CFAP44: variants seen among roughly 807,000 people sequenced by gnomAD.
CFAP44 encodes cilia- and flagella-associated protein 44.
In CFAP44, 134 loss-of-function variants were observed where a neutral mutation model predicts 216.2. The ratio of observed to expected loss-of-function variants is 0.62; its 90% CI spans 0.54 to 0.72. The LOEUF is 0.72. CFAP44 is among the 30% of genes least tolerant of loss of function. The pLI is 0.00. For synonymous variants in CFAP44, 700 were observed against 727.6 expected (o/e 0.96, Z 0.61); for missense variants, 2,035 against 2,182.1 (o/e 0.93, Z 1.34).
chr3:113,409,077 C>T (rs1347876935), intron 7 of CFAP44, 29 bp downstream of exon 7: 2 of 1,294,940 alleles, frequency 1.5e-6, no homozygotes, highest in Non-Finnish European at 2.1e-6. Flanking sequence ...GTGATATCTA[C>T]TGGCACCTCT....
At chr3:113,354,428 T>C (rs76250211) in intron 22 of CFAP44, among the ~76,000 whole-genome samples, 1,570 of 152,256 alleles carry the variant, frequency 0.01, 32 homozygotes, top group African/African-American at 0.036. Context: ...TGCCTGGAAA[T>C]AGACTTAGTG....
intron 15 of CFAP44, among the ~76,000 whole-genome samples, chr3:113,384,999 G>A (rs1559931450): frequency 1.3e-5 from 2 of 152,294 alleles, no homozygotes; most frequent in South Asian, 4.1e-4. Flanking sequence ...GGAGGGACCT[G>A]GTGGAAGGTA....
chr3:113,402,930 G>A (rs1178299135), intron 9 of CFAP44, among the ~76,000 whole-genome samples: 2 of 152,140 alleles, frequency 1.3e-5, no homozygotes, highest in African/African-American at 4.8e-5. Context: ...TCAGAGAAAT[G>A]TGTGAAATCT....
chr3:113,373,477 T>A lies in CFAP44; in HGVS notation c.2378A>T (p.Asp793Val). 1 of 1,610,016 alleles carries A rather than the reference T, an allele frequency of 6.2e-7. No individual in the cohort carries two copies. Among genetic ancestry groups the A allele is most frequent in the East Asian group, 2.2e-5 (1 of 44,664 alleles). The change falls in exon 18 of 35, where the codon GAT (aspartate) becomes GTT (valine). Residue 793 changes from aspartate (D) to valine (V), a missense_variant. Asp to Val is a radical substitution (Grantham distance 152, BLOSUM62 -3). This residue lies in a region of CFAP44 where 1,883 missense variants were observed against 2,023.7 expected (regional missense o/e 0.93). Transcript: ENST00000393845. ...AAGATAACGGACATCAATAGGTTCA[T>A]CTTTTTGTTCTTTGAAATCACTGCT... ...DESSDFKEQKDEPIDVRYLAD... is the reference protein window; with the variant it reads ...DESSDFKEQKVEPIDVRYLAD...
At chr3:113,361,745 GC>G (rs1288700663) in intron 21 of CFAP44, among the ~76,000 whole-genome samples, 1 of 151,670 alleles carries the variant, frequency 6.6e-6, no homozygotes, top group Non-Finnish European at 1.5e-5. Flanking sequence ...TGATCCGCCC[GC>G]CTCGGCCTCC....
intron 22 of CFAP44, among the ~76,000 whole-genome samples, chr3:113,357,360 C>G (rs1198640574): frequency 1.3e-5 from 2 of 152,058 alleles, no homozygotes; most frequent in Non-Finnish European, 2.9e-5. Context: ...CTTAATGAAA[C>G]ATGACTGGTG....
At chr3:113,293,217 A>ATCAAATTTTGGTTATTCAG (rs1949848142) in intron 34 of CFAP44, among the ~76,000 whole-genome samples, 1 of 152,184 alleles carries the variant, frequency 6.6e-6, no homozygotes. Context: ...ACCAGACTCA[A>ATCAAATTTTGGTTATTCAG]TCAAATTTTG....
rs963518636 is a variant in CFAP44 at position 113,342,048 on chromosome 3, G to A, written c.3263-130C>T. ...GAATTTGTAAATCAAAGTATTTATT[G>A]AGCACTAGTTGTGGTGGCTCTTGCC... On this transcript the variant is annotated intron_variant, in intron 23 of 34. Coordinates refer to ENST00000393845, the MANE Select transcript of CFAP44 (RefSeq NM_001164496.2). 7 of 1,149,730 alleles carry A rather than the reference G, an allele frequency of 6.1e-6. No homozygotes were observed. The East Asian group carries it at 2.0e-4, about 33-fold the overall frequency. 71.2% of individuals were successfully genotyped at this position (1,149,730 alleles called of 1,614,324 possible).
At chr3:113,346,464 G>T (rs1328810955) in intron 22 of CFAP44, among the ~76,000 whole-genome samples, 8 of 151,956 alleles carry the variant, frequency 5.3e-5, no homozygotes, top group Non-Finnish European at 1.0e-4. Context: ...CTAAAGGATT[G>T]TAAGCACACC....
intron 26 of CFAP44, 57 bp downstream of exon 26, chr3:113,330,111 A>AT: frequency 6.9e-7 from 1 of 1,447,408 alleles, no homozygotes; most frequent in South Asian, 1.5e-5. Flanking sequence ...ACCCGACCCA[A>AT]TTTTTTCCCT....
rs192238895 is a variant in CFAP44 at position 113,396,339 on chromosome 3, G to T, written c.1779+179C>A. Among the ~76,000 whole-genome samples the T allele has an allele frequency of 1.9e-3, 287 of 152,228 alleles. 2 individuals carry two copies. The highest frequency in any genetic ancestry group is 6.6e-3 in the African/African-American group (276 of 41,534). ...TATTCACATGCTCCAGCTCTCTTCTGATTAAAAAGAGGGTTATTCACAGAC... is the reference window on the plus strand; with the variant it reads ...TATTCACATGCTCCAGCTCTCTTCTTATTAAAAAGAGGGTTATTCACAGAC... On this transcript the variant is annotated intron_variant, in intron 14 of 34. Coordinates refer to ENST00000393845, the MANE Select transcript of CFAP44 (RefSeq NM_001164496.2).
At chr3:113,439,089 T>C (rs1407344454) in intron 1 of CFAP44, among the ~76,000 whole-genome samples, 1 of 152,202 alleles carries the variant, frequency 6.6e-6, no homozygotes, top group Non-Finnish European at 1.5e-5. Flanking sequence ...ATTAGTAAAC[T>C]AGCTAGGTTT....
chr3:113,417,459 G>A, intron 5 of CFAP44: 1 of 151,958 alleles, frequency 6.6e-6, no homozygotes, highest in East Asian at 1.9e-4. Flanking sequence ...AAGGGTAAAT[G>A]GCCAGCCAAA....
chr3:113,389,891 G>A (rs962660038), intron 15 of CFAP44, among the ~76,000 whole-genome samples: 20 of 152,016 alleles, frequency 1.3e-4, no homozygotes, highest in Non-Finnish European at 2.2e-4. Flanking sequence ...GAAAAGCCTG[G>A]GACCCAATGG....
chr3:113,338,053 A>AG (rs1365454187), intron 24 of CFAP44, among the ~76,000 whole-genome samples: 2 of 152,016 alleles, frequency 1.3e-5, no homozygotes, highest in Non-Finnish European at 2.9e-5. Context: ...ACTTGAGGTC[A>AG]GGGGTTCCAA....
At chr3:113,369,711 C>A (rs1214342436) in intron 18 of CFAP44, among the ~76,000 whole-genome samples, 1 of 151,840 alleles carries the variant, frequency 6.6e-6, no homozygotes, top group Non-Finnish European at 1.5e-5. Context: ...TAGCAGAAGG[C>A]AAGAAATAAC....
At position 113,330,585 on chromosome 3, in the gene CFAP44, G is replaced by A; in HGVS notation, c.3699C>T (p.Cys1233=). The A allele has an allele frequency of 6.5e-7, 1 of 1,537,122 alleles. No individual in the cohort carries two copies. Among genetic ancestry groups the A allele is most frequent in the Non-Finnish European group, 8.7e-7 (1 of 1,146,864 alleles). ...GAATGTTCTTCAGTTCTTGTACCAG[G>A]CACTGTATTTCCTCAACAACAGCCA... is the stretch of plus-strand genomic sequence containing the variant. ...LKVAVVEEIQ[C]LVQELKNIQS... The change falls in exon 26 of 35, where the codon TGC becomes TGT. Residue 1233 remains cysteine (C), a synonymous_variant. Transcript: ENST00000393845.
Position 113,308,216 on chromosome 3 carries a change from A to C in CFAP44, c.4569T>G (p.Ser1523Arg). ...CTTCTGATTCAGACTCATCTTCATC[A>C]CTCTCCAAGCTAGATTCTTCTTCAC... Reference protein sequence around the residue: ...ESSEEESSLESDEDESESEDE... With the variant: ...ESSEEESSLERDEDESESEDE... Residue 1523 changes from serine to arginine, a missense_variant, in exon 29 of 35, where the codon AGT (serine) becomes AGG (arginine). By Grantham distance (110) the Ser-to-Arg change is moderately radical (BLOSUM62 -1). Transcript: ENST00000393845. 1.3e-6 allele frequency: 2 copies of C among 1,536,112 alleles called. No individual in the cohort carries two copies. The highest frequency in any genetic ancestry group is 1.7e-6 in the Non-Finnish European group (2 of 1,146,656).
intron 15 of CFAP44, among the ~76,000 whole-genome samples, chr3:113,382,029 T>A (rs1295217925): frequency 6.6e-6 from 1 of 152,052 alleles, no homozygotes; most frequent in East Asian, 1.9e-4. Context: ...TAAGGGAGGG[T>A]TTGAGGGAGC....
Sources: gnomAD v4.1 joint callset for allele counts (sites outside exome capture counted in the v4.1 genomes callset) on GRCh38, gnomAD v4.1.1 for gene constraint, gnomAD v4.1.1 regional missense constraint, MANE v1.5 for transcripts, NCBI Gene and HGNC (gene_info 2026-07-23, HGNC 2026-07-21) for gene names.